Variants in PTPRD observed in about 807,000 individuals in gnomAD.
PTPRD encodes receptor-type tyrosine-protein phosphatase delta.
A neutral mutation model predicts 214.5 loss-of-function variants in PTPRD; 34 were observed. The observed-to-expected ratio is 0.16, with a 90% CI of 0.12 to 0.21. The LOEUF (loss-of-function observed/expected upper bound fraction) is 0.21, where lower values mean the gene tolerates loss of function less well. PTPRD is among the 10% of genes least tolerant of loss of function. The pLI is 1.00. For missense variants in PTPRD, 2,545 were observed against 2,398.7 expected (o/e 1.06, Z -1.27); for synonymous variants, 1,128 against 845.7 (o/e 1.33, Z -5.79).
intron 3 of PTPRD, among the ~76,000 whole-genome samples, chr9:10,154,736 T>G (rs2099082953): frequency 6.7e-6 from 1 of 149,840 alleles, no homozygotes; most frequent in Non-Finnish European, 1.5e-5. Context: ...TTTATCAGCT[T>G]TATTGAAGAT....
At chr9:9,198,631 G>A (rs185802232) in intron 9 of PTPRD, among the ~76,000 whole-genome samples, 17 of 152,200 alleles carry the variant, frequency 1.1e-4, no homozygotes, top group Admixed American at 5.2e-4. Context: ...CTGGATTACC[G>A]AGGAACATCA....
intron 4 of PTPRD, among the ~76,000 whole-genome samples, chr9:9,979,885 G>A (rs941029195): frequency 1.3e-5 from 2 of 151,984 alleles, no homozygotes; most frequent in African/African-American, 4.8e-5. Context: ...GCACAGCAAC[G>A]GGCAAAATAC....
At chr9:8,703,194 A>G (rs1174539207) in intron 12 of PTPRD, among the ~76,000 whole-genome samples, 3 of 152,206 alleles carry the variant, frequency 2.0e-5, no homozygotes, top group African/African-American at 4.8e-5. Flanking sequence ...CAGGATGGTA[A>G]TAGACTATTC....
intron 11 of PTPRD, among the ~76,000 whole-genome samples, chr9:8,931,071 C>T (rs1255371147): frequency 1.3e-5 from 2 of 152,080 alleles, no homozygotes; most frequent in Non-Finnish European, 2.9e-5. Flanking sequence ...CCTAGGTTTT[C>T]TTCTACGGTT....
chr9:9,776,088 C>T (rs1329590838), intron 5 of PTPRD, among the ~76,000 whole-genome samples: 2 of 151,998 alleles, frequency 1.3e-5, no homozygotes, highest in Non-Finnish European at 2.9e-5. Context: ...GTGACTCCTG[C>T]CTTGCTCAGC....
At chr9:8,358,892 G>C (rs1180662210) in intron 39 of PTPRD, among the ~76,000 whole-genome samples, 1 of 151,442 alleles carries the variant, frequency 6.6e-6, no homozygotes, top group Non-Finnish European at 1.5e-5. Flanking sequence ...CGGATCACGA[G>C]GTCAGGAGAT....
At chr9:8,425,258 A>T (rs1034015889) in intron 35 of PTPRD, among the ~76,000 whole-genome samples, 2 of 152,226 alleles carry the variant, frequency 1.3e-5, no homozygotes, top group Admixed American at 1.3e-4. Context: ...TGTTCCCAGC[A>T]GTGACATAAA....
chr9:10,206,149 C>G (rs992151147), intron 3 of PTPRD, among the ~76,000 whole-genome samples: 4 of 151,234 alleles, frequency 2.6e-5, no homozygotes, highest in African/African-American at 9.7e-5. Flanking sequence ...GTAGATAAGA[C>G]CAGAACAGCA....
intron 27 of PTPRD, among the ~76,000 whole-genome samples, chr9:8,487,486 T>G (rs556410141): frequency 6.6e-6 from 1 of 151,948 alleles, no homozygotes; most frequent in African/African-American, 2.4e-5. Context: ...TCCCAGCACT[T>G]TGGGAGCTGA....
chr9:9,255,986 G>C (rs564558751), intron 9 of PTPRD, among the ~76,000 whole-genome samples: 28 of 151,998 alleles, frequency 1.8e-4, no homozygotes, highest in Non-Finnish European at 3.8e-4. Flanking sequence ...GCTTGAAGAG[G>C]ATTTTGCCAG....
chr9:9,965,603 A>G (rs2094630539), intron 4 of PTPRD, among the ~76,000 whole-genome samples: 1 of 152,122 alleles, frequency 6.6e-6, no homozygotes, highest in Non-Finnish European at 1.5e-5. Context: ...TTTCTGTTCT[A>G]TTACCTACTC....
intron 8 of PTPRD, among the ~76,000 whole-genome samples, chr9:9,398,695 C>G (rs1040851217): frequency 1.3e-5 from 2 of 151,782 alleles, no homozygotes; most frequent in African/African-American, 2.4e-5. Flanking sequence ...TATGGGAATA[C>G]ATTTTATTTT....
At chr9:8,819,339 T>C (rs2096992616) in intron 11 of PTPRD, among the ~76,000 whole-genome samples, 1 of 151,318 alleles carries the variant, frequency 6.6e-6, no homozygotes, top group Non-Finnish European at 1.5e-5. Context: ...TATTAACTTA[T>C]ATTTTATTTT....
intron 3 of PTPRD, among the ~76,000 whole-genome samples, chr9:10,151,673 C>T (rs1317594129): frequency 2.6e-5 from 4 of 152,176 alleles, no homozygotes; most frequent in Admixed American, 6.5e-5. Context: ...TGTAGCTGAA[C>T]GACCACCACC....
At chr9:9,945,700 G>A (rs935013911) in intron 4 of PTPRD, among the ~76,000 whole-genome samples, 1 of 152,096 alleles carries the variant, frequency 6.6e-6, no homozygotes, top group African/African-American at 2.4e-5. Context: ...GGAGAAATTA[G>A]AGTACCTACA....
chr9:10,458,241 G>A (rs1257134967), intron 2 of PTPRD, among the ~76,000 whole-genome samples: 4 of 151,892 alleles, frequency 2.6e-5, no homozygotes, highest in Non-Finnish European at 2.9e-5. Context: ...GATATCCCAA[G>A]GAAAGAAAAC....
chr9:9,021,632 G>T (rs1262268126), intron 10 of PTPRD, among the ~76,000 whole-genome samples: 1 of 152,096 alleles, frequency 6.6e-6, no homozygotes, highest in East Asian at 1.9e-4. Context: ...AGCTTCATTT[G>T]TGTTATTGCC....
chr9:8,370,038 C>A (rs986355242), intron 39 of PTPRD, among the ~76,000 whole-genome samples: 1 of 151,910 alleles, frequency 6.6e-6, no homozygotes, highest in African/African-American at 2.4e-5. Context: ...TGGAACAAAA[C>A]GGCCTTAGTT....
chr9:8,350,102 A>C (rs2075026279), intron 39 of PTPRD, among the ~76,000 whole-genome samples: 1 of 152,146 alleles, frequency 6.6e-6, no homozygotes, highest in African/African-American at 2.4e-5. Flanking sequence ...AACATGATTG[A>C]GTTAGTCCCA....
Sources: allele counts gnomAD v4.1 joint callset (sites outside exome capture counted in the v4.1 genomes callset), GRCh38; gene constraint gnomAD v4.1.1; transcripts MANE v1.5; gene names NCBI Gene and HGNC (gene_info 2026-07-23, HGNC 2026-07-21).